Variants in ACSF2 observed in about 807,000 individuals in gnomAD.
ACSF2 encodes the protein acyl-CoA synthetase family member 2, also known as medium-chain acyl-CoA ligase ACSF2, mitochondrial.
In ACSF2, 52 loss-of-function variants were observed where a neutral mutation model predicts 79.3. The observed-to-expected ratio is 0.66, with a 90% CI of 0.53 to 0.83. The LOEUF (loss-of-function observed/expected upper bound fraction) is 0.83, where lower values mean the gene tolerates loss of function less well. Ranked by LOEUF, ACSF2 falls within the 40% of genes least tolerant of loss-of-function variation. The probability of loss-of-function intolerance (pLI) is 0.00; values close to 1 mark genes in which losing one functional copy is unlikely to be tolerated. For synonymous variants in ACSF2, 283 were observed against 312.6 expected (o/e 0.91, Z 1.00); for missense variants, 661 against 803.3 (o/e 0.82, Z 2.14).
Position 50,461,381 on chromosome 17 carries a change from G to T in ACSF2, c.453+11G>T, listed in dbSNP as rs562646314. 4 of 1,613,628 alleles carry T rather than the reference G, an allele frequency of 2.5e-6. No individual in the cohort carries two copies. The highest frequency in any genetic ancestry group is 3.4e-6 in the Non-Finnish European group (4 of 1,179,920). On this transcript the variant is annotated intron_variant, in intron 3 of 15. Transcript: ENST00000300441. ...GCGGGCATCATTCTGGTGAGGAGGG[G>T]CTTGCTTGGCACAGCTTGGTGTGCA...
chr17:50,436,211 C>G (rs1040051709), intron 1 of ACSF2, among the ~76,000 whole-genome samples: 1 of 151,852 alleles, frequency 6.6e-6, no homozygotes, highest in Non-Finnish European at 1.5e-5. Flanking sequence ...CTCACTGCAA[C>G]CTCCGCCTAC....
intron 1 of ACSF2, among the ~76,000 whole-genome samples, chr17:50,430,036 T>C (rs1459328741): frequency 2.6e-5 from 4 of 152,160 alleles, no homozygotes; most frequent in African/African-American, 4.8e-5. Context: ...GGGCTGCCTA[T>C]GAGGCAGCTG....
At chr17:50,469,233 T>C (rs563392881) in intron 10 of ACSF2, among the ~76,000 whole-genome samples, 83 of 152,332 alleles carry the variant, frequency 5.4e-4, no homozygotes, top group African/African-American at 1.9e-3. Context: ...CCTCAACTTA[T>C]TTGTTTGCTC....
chr17:50,463,654 G>A lies in ACSF2; in HGVS notation c.1046+102G>A. On this transcript the variant is annotated intron_variant, in intron 8 of 15. Coordinates refer to ENST00000300441, the MANE Select transcript of ACSF2 (RefSeq NM_025149.6). The surrounding 1 kb of genome is among the most constrained non-coding windows in gnomAD (Gnocchi z 4.6). The stretch of plus-strand genomic sequence containing the variant: ...CAAGCTGCCTCCTCCCTCCAGCCAG[G>A]AGACTGAGGATGGGGACAGTGGAGG... 1.3e-6 allele frequency: 2 copies of A among 1,545,348 alleles called. No individual in the cohort carries two copies. The highest frequency in any genetic ancestry group is 2.5e-5 in the South Asian group (2 of 81,212).
chr17:50,465,076 G>A, intron 10 of ACSF2: 1 of 588,396 alleles, frequency 1.7e-6, no homozygotes, highest in Non-Finnish European at 3.0e-6. Flanking sequence ...ATCGATGTCA[G>A]TACTCCAACA....
intron 10 of ACSF2, chr17:50,465,475 AG>A: frequency 6.2e-7 from 1 of 1,611,498 alleles, no homozygotes; most frequent in Non-Finnish European, 8.5e-7. Context: ...CTGGGGAAGA[AG>A]GTGGGAGTGC....
intron 12 of ACSF2, chr17:50,473,362 G>A (rs2033204145): frequency 2.9e-6 from 1 of 347,702 alleles, no homozygotes; most frequent in Admixed American, 4.0e-5. Flanking sequence ...CTTAGATTGA[G>A]TGGACAGAGA....
chr17:50,462,204 G>A lies in ACSF2; in HGVS notation c.528G>A (p.Val176=), dbSNP rs752740830. The A allele has an allele frequency of 1.5e-5, 24 of 1,613,890 alleles. No homozygotes were observed. The highest frequency in any genetic ancestry group is 1.9e-5 in the Non-Finnish European group (22 of 1,179,996). The change falls in exon 5 of 16, where the codon GTG becomes GTA. Residue 176 remains valine, a synonymous_variant. Coordinates refer to ENST00000300441, the MANE Select transcript of ACSF2 (RefSeq NM_025149.6). ...VLKKVGCKAL[V]FPKQFKTQQY... is the part of the protein sequence containing the mutation. ...CACAGGTGGGCTGCAAGGCCCTTGT[G>A]TTCCCCAAGCAATTCAAGACCCAGC...
At chr17:50,438,326 C>T (rs2030598530) in intron 1 of ACSF2, among the ~76,000 whole-genome samples, 1 of 152,184 alleles carries the variant, frequency 6.6e-6, no homozygotes, top group Non-Finnish European at 1.5e-5. Flanking sequence ...GTATAGCAGT[C>T]CATCCTATGA....
In ACSF2 at chr17:50,468,159, G is replaced by A. The variant is rs538793513; in HGVS notation, c.1216-2869G>A. On this transcript the variant is annotated intron_variant, in intron 10 of 15. Coordinates refer to ENST00000300441, the MANE Select transcript of ACSF2 (RefSeq NM_025149.6). ...GACAGCTTCAGCTCCTCCACCACCCGTAGCTTGCTCAGGGCAGCTGAGGGG... is the reference window on the plus strand; with the variant it reads ...GACAGCTTCAGCTCCTCCACCACCCATAGCTTGCTCAGGGCAGCTGAGGGG... 2.7e-4 allele frequency: 442 copies of A among 1,614,192 alleles called. 4 individuals carry two copies. In the South Asian group the frequency reaches 4.6e-3, roughly 17 times the overall value.
Position 50,474,254 on chromosome 17 carries a change from C to A in ACSF2, c.1784C>A (p.Thr595Asn), listed in dbSNP as rs1298188557. 1.9e-6 allele frequency: 3 copies of A among 1,614,112 alleles called. No individual in the cohort carries two copies. The highest frequency in any genetic ancestry group is 2.5e-6 in the Non-Finnish European group (3 of 1,180,048). The change falls in exon 15 of 16, where the codon ACC becomes AAC. Residue 595 changes from threonine (T) to asparagine (N), a missense_variant. Coordinates refer to ENST00000300441, the MANE Select transcript of ACSF2 (RefSeq NM_025149.6). This position sits in a 1 kb window ranked among gnomAD's most constrained non-coding sequence, Gnocchi z 4.2. ...GTGTTTGTCACAAACTACCCCCTCA[C>A]CATTTCAGGAAAGGTGTGTAAGGTG... ...YIVFVTNYPL[T>N]ISGKIQKFKL...
chr17:50,434,863 C>CT (rs200357988), intron 1 of ACSF2, among the ~76,000 whole-genome samples: 22 of 148,620 alleles, frequency 1.5e-4, no homozygotes, highest in Non-Finnish European at 2.2e-4. Context: ...CTGCACAGAT[C>CT]TTTTTTTTTT....
chr17:50,469,581 G>C (rs535188122), intron 10 of ACSF2, among the ~76,000 whole-genome samples: 1 of 152,190 alleles, frequency 6.6e-6, no homozygotes, highest in African/African-American at 2.4e-5. Flanking sequence ...AAGCAGAGAA[G>C]TGGGAAGTGG....
chr17:50,447,761 T>C (rs1006008023), intron 1 of ACSF2, among the ~76,000 whole-genome samples: 10 of 152,210 alleles, frequency 6.6e-5, no homozygotes, highest in African/African-American at 2.4e-4. Flanking sequence ...TATTAAAGTC[T>C]AATTGCTCAC....
chr17:50,461,131 T>C, intron 2 of ACSF2, 111 bp from the exon 3 acceptor site: 1 of 1,511,116 alleles, frequency 6.6e-7, no homozygotes, highest in Non-Finnish European at 9.0e-7. Context: ...TGCCTGTCCC[T>C]TTGTCCCCAG....
intron 10 of ACSF2, chr17:50,464,776 G>C (rs1400647272): frequency 1.2e-5 from 4 of 332,262 alleles, no homozygotes; most frequent in Admixed American, 7.9e-5. Context: ...ACTTGGGGGG[G>C]GGGTCTCAGC....
intron 1 of ACSF2, among the ~76,000 whole-genome samples, chr17:50,431,379 C>T (rs1370458641): frequency 6.6e-6 from 1 of 152,184 alleles, no homozygotes; most frequent in East Asian, 1.9e-4. Flanking sequence ...AGAAAGTTTG[C>T]AGTGCCATTA....
chr17:50,427,102 A>G, intron 1 of ACSF2: 1 of 1,019,194 alleles, frequency 9.8e-7, no homozygotes, highest in Non-Finnish European at 1.4e-6. Context: ...TGTTAGCTTC[A>G]GCAGCACCAC....
intron 1 of ACSF2, among the ~76,000 whole-genome samples, chr17:50,433,463 A>G (rs958575046): frequency 6.6e-6 from 1 of 152,126 alleles, no homozygotes; most frequent in Non-Finnish European, 1.5e-5. Flanking sequence ...TGGCTACCTC[A>G]AAGGTTTTCT....
Sources: allele counts gnomAD v4.1 joint callset (sites outside exome capture counted in the v4.1 genomes callset), GRCh38; gene constraint gnomAD v4.1.1; non-coding constraint Gnocchi (gnomAD v3.1); transcripts MANE v1.5; gene names NCBI Gene and HGNC (gene_info 2026-07-23, HGNC 2026-07-21).